Variants in SPAG16 observed in about 807,000 individuals in gnomAD.
SPAG16 encodes the protein sperm associated antigen 16.
SPAG16 carries 86 observed loss-of-function variants against 80.4 expected under a neutral mutation model. The ratio of observed to expected loss-of-function variants is 1.07; its 90% CI spans 0.90 to 1.28. The LOEUF (loss-of-function observed/expected upper bound fraction) is 1.28, where lower values mean the gene tolerates loss of function less well. Ranked by LOEUF, SPAG16 falls within the 50% of genes most tolerant of loss-of-function variation. The probability of loss-of-function intolerance (pLI) is 0.00; values close to 1 mark genes in which losing one functional copy is unlikely to be tolerated. For missense variants in SPAG16, 870 were observed against 765.3 expected, an observed-to-expected ratio of 1.14 and a Z score of -1.61; for synonymous variants, 294 against 265.9, an observed-to-expected ratio of 1.11 and a Z score of -1.03.
intron 10 of SPAG16, among the ~76,000 whole-genome samples, chr2:213,723,704 T>C (rs1193878356): frequency 6.6e-6 from 1 of 152,208 alleles, no homozygotes; most frequent in East Asian, 1.9e-4. Flanking sequence ...AATAGAGATT[T>C]TTAGGTTATG....
intron 9 of SPAG16, among the ~76,000 whole-genome samples, chr2:213,382,956 A>G (rs1207632577): frequency 6.6e-6 from 1 of 152,180 alleles, no homozygotes. Flanking sequence ...GGAGGAGAGA[A>G]TAAAACATTC....
intron 10 of SPAG16, among the ~76,000 whole-genome samples, chr2:213,511,390 G>T (rs1339426980): frequency 6.6e-6 from 1 of 152,070 alleles, no homozygotes; most frequent in Non-Finnish European, 1.5e-5. Flanking sequence ...TGGAAAAAAT[G>T]TATAGTTAAA....
chr2:213,998,573 GTA>G (rs1559674862), intron 12 of SPAG16, among the ~76,000 whole-genome samples: 1 of 152,152 alleles, frequency 6.6e-6, no homozygotes, highest in African/African-American at 2.4e-5. Context: ...GACTAGTAGA[GTA>G]AACTGGTACC....
In SPAG16 at chr2:214,295,977, G is replaced by T. The variant is rs994020766; in HGVS notation, c.1721-114163G>T. Among the ~76,000 whole-genome samples, 4 of 152,036 alleles carry T rather than the reference G, an allele frequency of 2.6e-5. No homozygotes were observed. The East Asian group carries it at 7.7e-4, about 29-fold the overall frequency. ...TATAATGCATAATGGTGAGGTTTGG[G>T]TTTCTAGTATACCAATCACCCAAAG... On this transcript the variant is annotated intron_variant, in intron 15 of 15. Transcript: ENST00000331683.
At chr2:213,417,742 C>A (rs1005234068) in intron 9 of SPAG16, among the ~76,000 whole-genome samples, 1 of 152,108 alleles carries the variant, frequency 6.6e-6, no homozygotes, top group Admixed American at 6.5e-5. Flanking sequence ...TAGAAACTTA[C>A]CTTTTTACTT....
chr2:213,407,209 G>A lies in SPAG16; in HGVS notation c.942+32090G>A, dbSNP rs144605882. On this transcript the variant is annotated intron_variant, in intron 9 of 15. Coordinates refer to ENST00000331683, the MANE Select transcript of SPAG16 (RefSeq NM_024532.5). ...GTCCTCTTTGCAGTTCTACCTTGGCGGAGCGGCCAGAGAGGACAGCACAAG... is the reference window on the plus strand; with the variant it reads ...GTCCTCTTTGCAGTTCTACCTTGGCAGAGCGGCCAGAGAGGACAGCACAAG... Among the ~76,000 whole-genome samples, 517 of 152,260 alleles carry A rather than the reference G, an allele frequency of 3.4e-3. 2 individuals are homozygous for A. Among genetic ancestry groups the A allele is most frequent in the Non-Finnish European group, 5.5e-3 (371 of 68,012 alleles).
intron 10 of SPAG16, among the ~76,000 whole-genome samples, chr2:213,616,460 C>G (rs1006071937): frequency 2.0e-5 from 3 of 152,266 alleles, no homozygotes; most frequent in Middle Eastern, 3.4e-3. Context: ...ACAAGCATAG[C>G]TACAATCGCT....
intron 12 of SPAG16, among the ~76,000 whole-genome samples, chr2:213,938,000 T>C (rs1039544735): frequency 6.6e-6 from 1 of 152,042 alleles, no homozygotes; most frequent in Non-Finnish European, 1.5e-5. Context: ...TGACATGCTG[T>C]ATAATGTACA....
chr2:213,894,666 G>A (rs529082522), intron 11 of SPAG16, among the ~76,000 whole-genome samples: 1 of 152,050 alleles, frequency 6.6e-6, no homozygotes, highest in Non-Finnish European at 1.5e-5. Context: ...AATTAGCCTT[G>A]TTCACAGAAG....
intron 11 of SPAG16, among the ~76,000 whole-genome samples, chr2:213,886,046 G>A (rs1157394117): frequency 6.6e-6 from 1 of 152,136 alleles, no homozygotes; most frequent in African/African-American, 2.4e-5. Context: ...GTATGATCTA[G>A]TGCTAATTTT....
chr2:213,488,836 G>T (rs1197355915), intron 9 of SPAG16, among the ~76,000 whole-genome samples: 3 of 151,828 alleles, frequency 2.0e-5, no homozygotes, highest in Non-Finnish European at 4.4e-5. Flanking sequence ...CACCACTTTG[G>T]GAGGCCAAGG....
At chr2:214,024,059 G>C (rs1261761702) in intron 13 of SPAG16, among the ~76,000 whole-genome samples, 4 of 151,462 alleles carry the variant, frequency 2.6e-5, no homozygotes, top group Admixed American at 1.3e-4. Context: ...ATATGGTGTT[G>C]GATGAGATAA....
At chr2:213,947,398 G>C (rs1168456406) in intron 12 of SPAG16, among the ~76,000 whole-genome samples, 1 of 152,016 alleles carries the variant, frequency 6.6e-6, no homozygotes, top group Non-Finnish European at 1.5e-5. Flanking sequence ...AACGTGTGGT[G>C]GTATCTCATA....
intron 13 of SPAG16, among the ~76,000 whole-genome samples, chr2:214,057,932 T>C (rs1426708063): frequency 1.3e-5 from 2 of 152,122 alleles, no homozygotes; most frequent in African/African-American, 4.8e-5. Context: ...AGGTTTTTTT[T>C]TTTCCTCTCT....
Position 213,711,986 on chromosome 2 carries a change from G to T in SPAG16, c.1071-150499G>T, listed in dbSNP as rs1486657894. Among the ~76,000 whole-genome samples the T allele has an allele frequency of 3.3e-5, 5 of 151,868 alleles. No homozygotes were observed. The East Asian group carries it at 7.7e-4, about 23-fold the overall frequency. The stretch of plus-strand genomic sequence containing the variant: ...ATATATATAATGTATATTTTTAAGG[G>T]TTTACACAATTCCAGGAGGCACCAT... On this transcript the variant is annotated intron_variant, in intron 10 of 15. Coordinates refer to ENST00000331683, the MANE Select transcript of SPAG16 (RefSeq NM_024532.5).
intron 15 of SPAG16, among the ~76,000 whole-genome samples, chr2:214,367,778 T>G (rs929642564): frequency 2.0e-5 from 3 of 152,180 alleles, no homozygotes; most frequent in Non-Finnish European, 2.9e-5. Flanking sequence ...GTCTTCTGAT[T>G]ATAATCATGC....
chr2:214,080,817 G>A (rs1467386465), intron 13 of SPAG16, among the ~76,000 whole-genome samples: 1 of 151,868 alleles, frequency 6.6e-6, no homozygotes, highest in Non-Finnish European at 1.5e-5. Flanking sequence ...TTTTGTAATT[G>A]CAAGTTTCTT....
At chr2:213,396,879 C>T (rs1050028759) in intron 9 of SPAG16, among the ~76,000 whole-genome samples, 6 of 152,176 alleles carry the variant, frequency 3.9e-5, no homozygotes, top group African/African-American at 1.4e-4. Context: ...GAACTCTAAT[C>T]CTCCGTAAGG....
intron 13 of SPAG16, among the ~76,000 whole-genome samples, chr2:214,040,105 A>G (rs1448358433): frequency 1.3e-5 from 2 of 152,206 alleles, no homozygotes; most frequent in African/African-American, 2.4e-5. Context: ...TAGCTTCTGC[A>G]ATAGTGATGT....
Sources: allele counts gnomAD v4.1 joint callset (sites outside exome capture counted in the v4.1 genomes callset), GRCh38; gene constraint gnomAD v4.1.1; transcripts MANE v1.5; gene names NCBI Gene and HGNC (gene_info 2026-07-23, HGNC 2026-07-21).